PRC1: variants seen among roughly 807,000 people sequenced by gnomAD.
The protein encoded by PRC1 is protein regulator of cytokinesis 1.
PRC1 carries 54 observed loss-of-function variants against 91.2 expected under a neutral mutation model. The observed-to-expected ratio is 0.59, with a 90% CI of 0.48 to 0.74. PRC1 has a LOEUF of 0.74. Among genes scored for constraint, PRC1 ranks in the 30% least tolerant of loss-of-function variants. The pLI is 0.00. For synonymous variants in PRC1, 275 were observed against 263.6 expected (o/e 1.04, Z -0.42); for missense variants, 727 against 746.2 (o/e 0.97, Z 0.30).
intron 8 of PRC1, among the ~76,000 whole-genome samples, chr15:90,977,491 G>A (rs1227837697): frequency 1.3e-5 from 2 of 151,764 alleles, no homozygotes; most frequent in African/African-American, 4.8e-5. Flanking sequence ...ATAGTTACTA[G>A]AGAGGATGGT....
intron 1 of PRC1, among the ~76,000 whole-genome samples, chr15:90,992,073 C>G (rs1360290288): frequency 1.3e-5 from 2 of 152,156 alleles, no homozygotes; most frequent in African/African-American, 4.8e-5. Flanking sequence ...TTGCTGATTC[C>G]TCTACCTAGA....
Position 90,974,589 on chromosome 15 carries a change from T to C in PRC1, c.1346A>G (p.Glu449Gly). The C allele has an allele frequency of 1.2e-6, 2 of 1,614,208 alleles. No homozygotes were observed. Among genetic ancestry groups the C allele is most frequent in the Non-Finnish European group, 1.7e-6 (2 of 1,180,052 alleles). Residue 449 changes from glutamate to glycine, a missense_variant, in exon 10 of 15, where the codon GAA becomes GGA. Physicochemically the swap from Glu to Gly is moderately conservative, Grantham distance 98. Transcript: ENST00000394249. This position sits in a 1 kb window ranked among gnomAD's most constrained non-coding sequence, Gnocchi z 4.6. Reference protein sequence around the residue: ...HRLEKERAKQERQLKNKKQTE... With the variant: ...HRLEKERAKQGRQLKNKKQTE... Reference sequence around the variant, plus strand: ...TGCGTTCACGTTCACACTTACTCTTTCCTGCTTGGCTCTCTCTTTCTCCAA... The same window carrying C: ...TGCGTTCACGTTCACACTTACTCTTCCCTGCTTGGCTCTCTCTTTCTCCAA...
At chr15:90,977,584 T>G (rs939651374) in intron 8 of PRC1, among the ~76,000 whole-genome samples, 1 of 143,402 alleles carries the variant, frequency 7.0e-6, no homozygotes, top group Non-Finnish European at 1.5e-5. Context: ...ACGTTTTTTT[T>G]TTTTTTTTTT....
At position 90,974,418 on chromosome 15, in the gene PRC1, C is replaced by T. The variant is rs1257229520; in HGVS notation, c.1350+167G>A. The stretch of plus-strand genomic sequence containing the variant: ...GTCCCCGGCTCCCCGTTCCACAAGC[C>T]CCGGTCCCCGGCTCCCCGTTCCACA... On this transcript the variant is annotated intron_variant, in intron 10 of 14. Coordinates refer to ENST00000394249, the MANE Select transcript of PRC1 (RefSeq NM_003981.4). The surrounding 1 kb of genome is among the most constrained non-coding windows in gnomAD (Gnocchi z 4.6). Among the ~76,000 whole-genome samples, 1 of 151,912 alleles carries T rather than the reference C, an allele frequency of 6.6e-6. No individual in the cohort carries two copies. The highest frequency in any genetic ancestry group is 1.5e-5 in the Non-Finnish European group (1 of 67,974).
At chr15:90,971,603 T>TTA (rs2038137141) in intron 11 of PRC1, among the ~76,000 whole-genome samples, 1 of 145,288 alleles carries the variant, frequency 6.9e-6, no homozygotes, top group Admixed American at 6.9e-5. Context: ...TTTTTTTTTT[T>TTA]AATTAAAAAA....
intron 1 of PRC1, among the ~76,000 whole-genome samples, chr15:90,990,480 G>C (rs562280198): frequency 1.3e-4 from 20 of 150,710 alleles, no homozygotes; most frequent in African/African-American, 4.9e-4. Flanking sequence ...CCCACCTTGG[G>C]CTCCCAAAGT....
At chr15:90,975,568 G>A (rs2038605791) in intron 9 of PRC1, among the ~76,000 whole-genome samples, 1 of 97,972 alleles carries the variant, frequency 1.0e-5, no homozygotes, top group Non-Finnish European at 1.7e-5. Flanking sequence ...GGAGCCCACA[G>A]GACTCTCTCT....
chr15:90,978,598 A>C (rs1160976129), intron 8 of PRC1, among the ~76,000 whole-genome samples: 1 of 151,714 alleles, frequency 6.6e-6, no homozygotes, highest in Non-Finnish European at 1.5e-5. Context: ...CTAAAAATAC[A>C]AAAAATTAGC....
In PRC1 at chr15:90,984,627, T is replaced by C. The variant is rs2039449426; in HGVS notation, c.144+66A>G. 6.9e-6 allele frequency: 11 copies of C among 1,587,204 alleles called. No individual in the cohort carries two copies. The highest frequency in any genetic ancestry group is 9.5e-6 in the Non-Finnish European group (11 of 1,162,130). The stretch of plus-strand genomic sequence containing the variant: ...ATGATCACATGTCCCTTCTGTATGC[T>C]ATCTCGGGTGAGACACCAACATCCT... On this transcript the variant is annotated intron_variant, in intron 2 of 14. Transcript: ENST00000394249. The surrounding 1 kb of genome is among the most constrained non-coding windows in gnomAD (Gnocchi z 5.1).
chr15:90,967,271 GGT>G (rs2037585321), intron 14 of PRC1, 69 bp from the exon 15 acceptor site: 4 of 1,378,162 alleles, frequency 2.9e-6, no homozygotes, highest in Non-Finnish European at 4.1e-6. Flanking sequence ...TTCTAAGTTT[GGT>G]TAAGTGTCAG....
intron 8 of PRC1, among the ~76,000 whole-genome samples, chr15:90,977,868 G>A (rs1290554663): frequency 1.3e-5 from 2 of 152,120 alleles, no homozygotes; most frequent in African/African-American, 4.8e-5. Context: ...TTACAGGCGT[G>A]AGCCACCACA....
At position 90,974,369 on chromosome 15, in the gene PRC1, G is replaced by T; in HGVS notation, c.1351-123C>A. 2.9e-6 allele frequency: 3 copies of T among 1,020,828 alleles called. No homozygotes were observed. The highest frequency in any genetic ancestry group is 4.2e-6 in the Non-Finnish European group (3 of 711,976). The allele number at this position is 1,020,828 out of a possible 1,614,324, so 63.2% of individuals were successfully genotyped here. ...ACAGCCAGAGCTAAAGAGCTGCCGC[G>T]GGCTCCCCGTTCCACAAGCCCCGGT... On this transcript the variant is annotated intron_variant, in intron 10 of 14. Transcript: ENST00000394249. The surrounding 1 kb of genome is among the most constrained non-coding windows in gnomAD (Gnocchi z 4.6).
rs1425753676 is a variant in PRC1, at chr15:90,984,581, G to A, written c.144+112C>T. ...AACCAAACCAAACCAAACAGGAAGA[G>A]CCTGTGCTATCCTAATGCCGATGAT... is the stretch of plus-strand genomic sequence containing the variant. On this transcript the variant is annotated intron_variant, in intron 2 of 14. Coordinates refer to ENST00000394249, the MANE Select transcript of PRC1 (RefSeq NM_003981.4). This position sits in a 1 kb window ranked among gnomAD's most constrained non-coding sequence, Gnocchi z 5.1. 3 of 1,452,688 alleles carry A rather than the reference G, an allele frequency of 2.1e-6. No individual in the cohort carries two copies. Among genetic ancestry groups the A allele is most frequent in the East Asian group, 4.6e-5 (2 of 43,468 alleles). 90.0% of individuals were successfully genotyped at this position (1,452,688 alleles called of 1,614,324 possible).
intron 1 of PRC1, among the ~76,000 whole-genome samples, chr15:90,986,331 T>A (rs1421365264): frequency 6.6e-6 from 1 of 152,128 alleles, no homozygotes; most frequent in Non-Finnish European, 1.5e-5. Context: ...AATGCAGCAA[T>A]GAAAATGAAC....
chr15:90,978,821 A>T (rs149316691), intron 8 of PRC1, among the ~76,000 whole-genome samples: 1,635 of 150,206 alleles, frequency 0.011, 24 homozygotes, highest in South Asian at 0.08. Flanking sequence ...CTGGCCCTGA[A>T]GATGAGGTCC....
At chr15:90,979,017 A>T (rs1048995185) in intron 8 of PRC1, 141 bp downstream of exon 8, 46 of 1,078,652 alleles carry the variant, frequency 4.3e-5, no homozygotes, top group Non-Finnish European at 5.6e-5. Flanking sequence ...CTTATCAAAC[A>T]GAGGCGGTCA....
At chr15:90,994,257 C>G in intron 1 of PRC1, 150 bp downstream of exon 1, 1 of 1,246,362 alleles carries the variant, frequency 8.0e-7, no homozygotes, top group Non-Finnish European at 1.1e-6. Flanking sequence ...CCAGACCCTG[C>G]CCCTCAGCGC....
In PRC1 at chr15:90,983,241, T is replaced by G. The variant is rs77267848; in HGVS notation, c.267+777A>C. Among the ~76,000 whole-genome samples the G allele has an allele frequency of 3.8e-3, 585 of 152,292 alleles. 8 individuals are homozygous for G. The highest frequency in any genetic ancestry group is 0.014 in the African/African-American group (563 of 41,564). On this transcript the variant is annotated intron_variant, in intron 3 of 14. Transcript: ENST00000394249. ...TTTAAAGGTGATCTCCCTCCTAAGC[T>G]AACTCCAAATAGATATCCAGGCAGG...
At chr15:90,976,601 A>G (rs2038722283) in intron 9 of PRC1, 75 bp downstream of exon 9, 3 of 1,244,282 alleles carry the variant, frequency 2.4e-6, no homozygotes, top group Non-Finnish European at 3.5e-6. Context: ...GGGCTAAACA[A>G]TAGAAAGAAA....
Sources: gnomAD v4.1 joint callset for allele counts (sites outside exome capture counted in the v4.1 genomes callset) on GRCh38, gnomAD v4.1.1 for gene constraint, Gnocchi (gnomAD v3.1) non-coding constraint, MANE v1.5 for transcripts, NCBI Gene and HGNC (gene_info 2026-07-23, HGNC 2026-07-21) for gene names.